The following BARD1 variants were observed in gnomAD, a reference collection of about 807,000 sequenced individuals.
BARD1 encodes the protein BRCA1 associated RING domain 1.
A neutral mutation model predicts 77.0 loss-of-function variants in BARD1; 73 were observed. The ratio of observed to expected loss-of-function variants is 0.95; its 90% CI spans 0.79 to 1.15. The LOEUF is 1.15. BARD1 is among the 50% of genes most tolerant of loss of function. The probability of loss-of-function intolerance (pLI) is 0.00; values close to 1 mark genes in which losing one functional copy is unlikely to be tolerated. For synonymous variants in BARD1, 384 were observed against 338.0 expected (o/e 1.14, Z -1.49); for missense variants, 993 against 938.8 (o/e 1.06, Z -0.75).
At chr2:214,764,781 G>A (rs573050239) in intron 6 of BARD1, among the ~76,000 whole-genome samples, 1 of 152,128 alleles carries the variant, frequency 6.6e-6, no homozygotes, top group Non-Finnish European at 1.5e-5. Flanking sequence ...ACCTGAAAAG[G>A]AGGAGAACAG....
intron 9 of BARD1, among the ~76,000 whole-genome samples, chr2:214,734,477 T>G: frequency 6.6e-6 from 1 of 152,282 alleles, no homozygotes; most frequent in East Asian, 1.9e-4. Flanking sequence ...CAGAACTCTC[T>G]TCTTATAAAT....
In BARD1 at chr2:214,809,516, G is replaced by T. The variant is rs587780032; in HGVS notation, c.54C>A (p.Asn18Lys). The T allele has an allele frequency of 6.3e-7, 1 of 1,596,360 alleles. No homozygotes were observed. ...CCATGGCGGGCGCGGAACGAGGCTC[G>T]TTCCCGGAGCGGATCCTCGGCTGCC... ...RNRQPRIRSG[N>K]EPRSAPAMEP... Residue 18 changes from asparagine to lysine, a missense_variant, in exon 1 of 11, where the codon AAC (asparagine) becomes AAA (lysine). Coordinates refer to ENST00000260947, the MANE Select transcript of BARD1 (RefSeq NM_000465.4).
At chr2:214,756,076 G>A (rs2106047459) in intron 6 of BARD1, among the ~76,000 whole-genome samples, 1 of 152,256 alleles carries the variant, frequency 6.6e-6, no homozygotes, top group Non-Finnish European at 1.5e-5. Context: ...ATACTGATAA[G>A]GTTTCTATTT....
Position 214,780,882 on chromosome 2 carries a change from G to C in BARD1, c.992C>G (p.Pro331Arg), listed in dbSNP as rs1422030098. 1.2e-6 allele frequency: 2 copies of C among 1,613,938 alleles called. No homozygotes were observed. Among genetic ancestry groups the C allele is most frequent in the Non-Finnish European group, 8.5e-7 (1 of 1,180,012 alleles). Residue 331 changes from proline to arginine, a missense_variant, in exon 4 of 11, where the codon CCC (proline) becomes CGC (arginine). Pro to Arg is a moderately radical substitution (Grantham distance 103). Coordinates refer to ENST00000260947, the MANE Select transcript of BARD1 (RefSeq NM_000465.4). ...KRGHHNRLSS[P>R]ISKRCRTSIL... The stretch of plus-strand genomic sequence containing the variant: ...GCTGGTTCTACATCTCTTAGAAATG[G>C]GACTGGAAAGTCTATTGTGATGGCC...
chr2:214,803,308 G>C (rs990582668), intron 1 of BARD1, among the ~76,000 whole-genome samples: 5 of 152,100 alleles, frequency 3.3e-5, no homozygotes, highest in Admixed American at 2.0e-4. Flanking sequence ...ACCCGTAAAG[G>C]GTCTGTGCTG....
intron 10 of BARD1, among the ~76,000 whole-genome samples, chr2:214,729,950 CAT>C (rs1244168389): frequency 2.0e-5 from 3 of 152,122 alleles, no homozygotes; most frequent in Non-Finnish European, 4.4e-5. Flanking sequence ...AGCTATGAAA[CAT>C]ACTTCCGTAT....
chr2:214,740,324 G>GCCCTT (rs1692762468), intron 9 of BARD1, among the ~76,000 whole-genome samples: 1 of 151,936 alleles, frequency 6.6e-6, no homozygotes, highest in South Asian at 2.1e-4. Flanking sequence ...TAAGACCAAA[G>GCCCTT]CCCTTCCCTA....
In BARD1 at chr2:214,769,952, G is replaced by A. The variant is rs75398471; in HGVS notation, c.1315-640C>T. On this transcript the variant is annotated intron_variant, in intron 4 of 10. Transcript: ENST00000260947. Reference sequence around the variant, plus strand: ...TTCACTTGTGAAAAAAACAATTTTTGAGCATTTGTAAATGGCTTCTGAGTA... The same window carrying A: ...TTCACTTGTGAAAAAAACAATTTTTAAGCATTTGTAAATGGCTTCTGAGTA... 5.1e-3 allele frequency among the ~76,000 whole-genome samples: 779 copies of A among 152,212 alleles called. 24 individuals are homozygous for A. Among genetic ancestry groups the A allele is most frequent in the Admixed American group, 0.046 (705 of 15,284 alleles).
At chr2:214,734,111 T>G (rs902906484) in intron 9 of BARD1, among the ~76,000 whole-genome samples, 1 of 152,158 alleles carries the variant, frequency 6.6e-6, no homozygotes, top group Non-Finnish European at 1.5e-5. Context: ...AATAGGTTTT[T>G]TGAATAAAAT....
At chr2:214,780,498 G>T in intron 4 of BARD1, 62 bp downstream of exon 4, 2 of 1,441,592 alleles carry the variant, frequency 1.4e-6, no homozygotes, top group Non-Finnish European at 1.9e-6. Flanking sequence ...TTCAAAAACT[G>T]CAAAGAAATT....
intron 9 of BARD1, among the ~76,000 whole-genome samples, chr2:214,741,513 A>T (rs1341692569): frequency 2.0e-5 from 3 of 152,042 alleles, no homozygotes; most frequent in Non-Finnish European, 2.9e-5. Context: ...TTATTTATAT[A>T]CCTTCTATTC....
chr2:214,729,616 A>T (rs949174111), intron 10 of BARD1, among the ~76,000 whole-genome samples: 2 of 152,176 alleles, frequency 1.3e-5, no homozygotes, highest in Admixed American at 6.5e-5. Context: ...AATTTTAGAT[A>T]TGCTTGGTAT....
chr2:214,762,786 C>A (rs1230569562), intron 6 of BARD1, among the ~76,000 whole-genome samples: 1 of 152,168 alleles, frequency 6.6e-6, no homozygotes, highest in Non-Finnish European at 1.5e-5. Context: ...ACGTACCCAA[C>A]TTCAAAACAT....
At chr2:214,762,673 A>G (rs10932572) in intron 6 of BARD1, among the ~76,000 whole-genome samples, 63,262 of 151,854 alleles carry the variant, frequency 0.42, 13,224 homozygotes, top group South Asian at 0.5. Context: ...CACACGACAT[A>G]AAGTTTATCA....
intron 9 of BARD1, among the ~76,000 whole-genome samples, chr2:214,742,314 T>C (rs918835177): frequency 6.6e-6 from 1 of 152,158 alleles, no homozygotes; most frequent in African/African-American, 2.4e-5. Context: ...ATTGCTTGAG[T>C]GACACCTCAT....
chr2:214,734,427 T>C (rs1574714947), intron 9 of BARD1, among the ~76,000 whole-genome samples: 1 of 152,134 alleles, frequency 6.6e-6, no homozygotes, highest in African/African-American at 2.4e-5. Flanking sequence ...ATTTATTTGA[T>C]TGTATATAAG....
At position 214,781,446 on chromosome 2, in the gene BARD1, A is replaced by T. The variant is rs1296480475; in HGVS notation, c.428T>A (p.Ile143Asn). ...FNDAGNKKNS[I>N]KMWFSPRSKK... ...ACTTCGAGGGCTAAACCACATTTTAATTGAATTCTTCTTGTTTCCTGCATC... is the reference window on the plus strand; with the variant it reads ...ACTTCGAGGGCTAAACCACATTTTATTTGAATTCTTCTTGTTTCCTGCATC... Residue 143 changes from isoleucine to asparagine, a missense_variant, in exon 4 of 11, where the codon ATT becomes AAT. Transcript: ENST00000260947. 1.2e-6 allele frequency: 2 copies of T among 1,613,342 alleles called. No individual in the cohort carries two copies. Among genetic ancestry groups the T allele is most frequent in the South Asian group, 2.2e-5 (2 of 90,928 alleles).
At chr2:214,793,936 C>A (rs1374858603) in intron 2 of BARD1, among the ~76,000 whole-genome samples, 1 of 151,956 alleles carries the variant, frequency 6.6e-6, no homozygotes, top group Non-Finnish European at 1.5e-5. Flanking sequence ...TCAGATTCCA[C>A]ACTGTGATGA....
intron 4 of BARD1, among the ~76,000 whole-genome samples, chr2:214,778,866 G>A (rs1475637692): frequency 3.3e-5 from 5 of 151,976 alleles, no homozygotes; most frequent in Non-Finnish European, 5.9e-5. Context: ...AGAAAAAGTC[G>A]CCACCAATAT....
Sources: gnomAD v4.1 joint callset for allele counts (sites outside exome capture counted in the v4.1 genomes callset) on GRCh38, gnomAD v4.1.1 for gene constraint, MANE v1.5 for transcripts, NCBI Gene and HGNC (gene_info 2026-07-23, HGNC 2026-07-21) for gene names.